PEAK1: variants seen among roughly 807,000 people sequenced by gnomAD.
PEAK1 encodes the protein inactive tyrosine-protein kinase PEAK1.
In PEAK1, 54 loss-of-function variants were observed where a neutral mutation model predicts 124.7. That is an observed-to-expected ratio of 0.43 (90% CI 0.35 to 0.54). The LOEUF (loss-of-function observed/expected upper bound fraction) is 0.54. Among genes scored for constraint, PEAK1 ranks in the 20% least tolerant of loss-of-function variants. PEAK1 has a pLI of 0.01. For synonymous variants in PEAK1, 719 were observed against 760.0 expected (o/e 0.95, Z 0.89); for missense variants, 2,046 against 2,134.5 (o/e 0.96, Z 0.82).
chr15:77,115,593 A>C (rs2051294622), intron 9 of PEAK1, among the ~76,000 whole-genome samples: 1 of 150,738 alleles, frequency 6.6e-6, no homozygotes, highest in African/African-American at 2.4e-5. Flanking sequence ...AATTTAAAAA[A>C]GAAAAAAAGC....
At chr15:77,351,473 G>C (rs940878893) in intron 2 of PEAK1, among the ~76,000 whole-genome samples, 2 of 152,088 alleles carry the variant, frequency 1.3e-5, no homozygotes, top group Non-Finnish European at 2.9e-5. Context: ...CTCTCCATAG[G>C]GTATATGCCG....
intron 2 of PEAK1, among the ~76,000 whole-genome samples, chr15:77,355,524 G>A (rs558345092): frequency 3.9e-5 from 6 of 152,210 alleles, no homozygotes; most frequent in South Asian, 2.1e-4. Flanking sequence ...TTTTGGCCCC[G>A]CCTACTCAAA....
At position 77,115,260 on chromosome 15, in the gene PEAK1, C is replaced by G. The variant is rs756170503; in HGVS notation, c.4137G>C (p.Gln1379His). 2 of 1,614,202 alleles carry G rather than the reference C, an allele frequency of 1.2e-6. No homozygotes were observed. Among genetic ancestry groups the G allele is most frequent in the Non-Finnish European group, 8.5e-7 (1 of 1,180,030 alleles). The change falls in exon 10 of 10, where the codon CAG becomes CAC. Residue 1379 changes from glutamine to histidine, a missense_variant. Gln to His is a conservative substitution (Grantham distance 24, BLOSUM62 0). Coordinates refer to ENST00000682557, the MANE Select transcript of PEAK1 (RefSeq NM_001385026.1). ...GAATGTTAAAATGGACAGCCAGACT[C>G]TGCCGGACAGCCAAGCTGTGATAAT... ...QQYYHSLAVR[Q>H]SLAVHFNIQQ...
chr15:77,276,143 A>C (rs978572028), intron 5 of PEAK1, among the ~76,000 whole-genome samples: 9 of 152,224 alleles, frequency 5.9e-5, no homozygotes, highest in Non-Finnish European at 1.0e-4. Context: ...ATGTCATCAG[A>C]GTCTCAAAAG....
At position 77,179,225 on chromosome 15, in the gene PEAK1, C is replaced by T; in HGVS notation, c.2702G>A (p.Arg901Lys). ...TNWTKPTSPT[R>K]STEAESVLHS... ...CAAAACTGATTCAGCTTCTGTTGAC[C>T]TGGTAGGGCTGGTTGGCTTGGTCCA... The change falls in exon 7 of 10, where the codon AGG becomes AAG. Residue 901 changes from arginine to lysine, a missense_variant. Coordinates refer to ENST00000682557, the MANE Select transcript of PEAK1 (RefSeq NM_001385026.1). 3 of 1,614,130 alleles carry T rather than the reference C, an allele frequency of 1.9e-6. No individual in the cohort carries two copies. The highest frequency in any genetic ancestry group is 2.5e-6 in the Non-Finnish European group (3 of 1,180,032).
chr15:77,400,198 T>C (rs1242865578), intron 1 of PEAK1, among the ~76,000 whole-genome samples: 2 of 152,112 alleles, frequency 1.3e-5, no homozygotes, highest in Non-Finnish European at 2.9e-5. Context: ...CCCATGCACA[T>C]TGTTTGGGGA....
chr15:77,356,710 A>G (rs1054643315), intron 2 of PEAK1, among the ~76,000 whole-genome samples: 4 of 152,234 alleles, frequency 2.6e-5, no homozygotes, highest in Non-Finnish European at 5.9e-5. Context: ...GTTTTTATAC[A>G]TATTATAGTT....
At chr15:77,318,648 G>C (rs2065017755) in intron 2 of PEAK1, among the ~76,000 whole-genome samples, 1 of 151,686 alleles carries the variant, frequency 6.6e-6, no homozygotes, top group South Asian at 2.1e-4. Context: ...TAATTTATTA[G>C]TCATAAATTA....
In PEAK1 at chr15:77,120,968, A is replaced by G. The variant is rs557931466; in HGVS notation, c.4078-5649T>C. The stretch of plus-strand genomic sequence containing the variant: ...CAGGCATTACTTTATCAGAGAGAGG[A>G]AGTGCTAAATACCCTAAACCCCCTT... On this transcript the variant is annotated intron_variant, in intron 9 of 9. Transcript: ENST00000682557. Among the ~76,000 whole-genome samples the G allele has an allele frequency of 5.3e-5, 8 of 152,316 alleles. No individual in the cohort carries two copies. The South Asian group carries it at 1.2e-3, about 24-fold the overall frequency.
chr15:77,340,973 A>G (rs186616778), intron 2 of PEAK1, among the ~76,000 whole-genome samples: 4 of 150,178 alleles, frequency 2.7e-5, no homozygotes, highest in Non-Finnish European at 4.4e-5. Context: ...TTTTTTTAAT[A>G]CAGGGTCTTG....
intron 6 of PEAK1, among the ~76,000 whole-genome samples, chr15:77,230,881 T>C (rs1596746468): frequency 6.6e-6 from 1 of 151,740 alleles, no homozygotes; most frequent in East Asian, 1.9e-4. Context: ...AAAAACCCAG[T>C]AAGAAGCATA....
At chr15:77,354,872 T>A (rs1485000828) in intron 2 of PEAK1, among the ~76,000 whole-genome samples, 3 of 151,988 alleles carry the variant, frequency 2.0e-5, no homozygotes. Flanking sequence ...ACCCTGTCTC[T>A]ACTAAAAATA....
intron 6 of PEAK1, among the ~76,000 whole-genome samples, chr15:77,200,175 G>A (rs1202344338): frequency 6.6e-6 from 1 of 152,022 alleles, no homozygotes; most frequent in Non-Finnish European, 1.5e-5. Context: ...CAAGATGAAG[G>A]CCTTTATGAT....
chr15:77,370,315 C>T (rs1279305957), intron 1 of PEAK1, among the ~76,000 whole-genome samples: 1 of 152,048 alleles, frequency 6.6e-6, no homozygotes, highest in Admixed American at 6.6e-5. Context: ...GGAAACAGAG[C>T]TCAGGTACAC....
intron 6 of PEAK1, among the ~76,000 whole-genome samples, chr15:77,207,811 G>C (rs2058733236): frequency 6.6e-6 from 1 of 152,134 alleles, no homozygotes; most frequent in Admixed American, 6.5e-5. Context: ...ACAACAAAAA[G>C]AGAAAATCCT....
At chr15:77,199,167 C>A (rs2058245178) in intron 6 of PEAK1, among the ~76,000 whole-genome samples, 2 of 152,190 alleles carry the variant, frequency 1.3e-5, no homozygotes, top group Admixed American at 1.3e-4. Context: ...GTTTATACAG[C>A]AAGAAGGTCT....
chr15:77,210,813 G>C (rs1161582203), intron 6 of PEAK1, among the ~76,000 whole-genome samples: 1 of 152,214 alleles, frequency 6.6e-6, no homozygotes, highest in Non-Finnish European at 1.5e-5. Flanking sequence ...CTGGGAGGTG[G>C]AGGATGCAGT....
chr15:77,401,364 G>A (rs2071363571), intron 1 of PEAK1, among the ~76,000 whole-genome samples: 1 of 151,950 alleles, frequency 6.6e-6, no homozygotes, highest in Non-Finnish European at 1.5e-5. Context: ...TAATTTGCTG[G>A]CAATTTAAGC....
chr15:77,127,575 T>C (rs2052489176), intron 9 of PEAK1, among the ~76,000 whole-genome samples: 1 of 152,186 alleles, frequency 6.6e-6, no homozygotes, highest in South Asian at 2.1e-4. Flanking sequence ...TGTCATAACG[T>C]GGCAAAGAAC....
Sources: gnomAD v4.1 joint callset for allele counts (sites outside exome capture counted in the v4.1 genomes callset) on GRCh38, gnomAD v4.1.1 for gene constraint, MANE v1.5 for transcripts, NCBI Gene and HGNC (gene_info 2026-07-23, HGNC 2026-07-21) for gene names.